The following SPATA45 variants were observed in gnomAD, a reference collection of about 807,000 sequenced individuals.
The protein encoded by SPATA45 is spermatogenesis associated 45, also known as spermatogenesis-associated protein 45.
In SPATA45, 5 loss-of-function variants were observed where a neutral mutation model predicts 7.0. The observed-to-expected ratio is 0.71, with a 90% CI of 0.37 to 1.50. The LOEUF is 1.50. Ranked by LOEUF, SPATA45 falls within the 40% of genes most tolerant of loss-of-function variation. The pLI is 0.03. For synonymous variants in SPATA45, 40 were observed against 38.7 expected (o/e 1.03, Z -0.13); for missense variants, 111 against 114.9 (o/e 0.97, Z 0.16).
chr1:212,839,045 C>T (rs1027738524), intron 1 of SPATA45, among the ~76,000 whole-genome samples: 4 of 150,554 alleles, frequency 2.7e-5, no homozygotes, highest in Admixed American at 6.7e-5. Context: ...GTTCTAACAA[C>T]CCAAATGTCC....
chr1:212,846,276 A>G (rs1663792174), intron 1 of SPATA45, among the ~76,000 whole-genome samples: 1 of 152,098 alleles, frequency 6.6e-6, no homozygotes, highest in South Asian at 2.1e-4. Flanking sequence ...GCAACCCTGA[A>G]AAACATTGCC....
Position 212,831,590 on chromosome 1 carries a change from G to A in SPATA45, c.278-1329C>T, listed in dbSNP as rs180732631. On this transcript the variant is annotated intron_variant, in intron 2 of 2. Coordinates refer to ENST00000332912, the MANE Select transcript of SPATA45 (RefSeq NM_001024601.3). ...TATTTAAATAAACTGCCCCCCTTTT[G>A]GGCTCCACATCTCCAAGTGGAAGAT... 3.3e-3 allele frequency among the ~76,000 whole-genome samples: 501 copies of A among 151,292 alleles called. 14 individuals are homozygous for A. Among genetic ancestry groups the A allele is most frequent in the Non-Finnish European group, 4.4e-3 (301 of 67,672 alleles).
At chr1:212,841,408 C>T (rs1558098005) in intron 1 of SPATA45, among the ~76,000 whole-genome samples, 2 of 151,746 alleles carry the variant, frequency 1.3e-5, no homozygotes, top group South Asian at 4.2e-4. Context: ...AAGCGATCTA[C>T]CCACCTCAGC....
At chr1:212,842,258 A>G (rs980207980) in intron 1 of SPATA45, among the ~76,000 whole-genome samples, 3 of 151,562 alleles carry the variant, frequency 2.0e-5, no homozygotes, top group African/African-American at 7.3e-5. Flanking sequence ...GGCACCTGTA[A>G]TCCCAGCTAC....
intron 1 of SPATA45, among the ~76,000 whole-genome samples, chr1:212,841,448 C>A (rs1663682024): frequency 6.6e-6 from 1 of 151,884 alleles, no homozygotes; most frequent in Non-Finnish European, 1.5e-5. Flanking sequence ...CAGGTATAAG[C>A]CACTGTGCCT....
rs1663577968 is a variant in SPATA45 at position 212,835,996 on chromosome 1, G to A, written c.154C>T (p.Pro52Ser). ...SLLRVQKRHF[P>S]DAYQSFTDTT... is the part of the protein sequence containing the mutation. Reference sequence around the variant, plus strand: ...TCAGTAAAGGACTGATAGGCATCCGGGAAGTGCCTCTTTTGAACTCTCAGT... The same window carrying A: ...TCAGTAAAGGACTGATAGGCATCCGAGAAGTGCCTCTTTTGAACTCTCAGT... Residue 52 changes from proline to serine, a missense_variant, in exon 2 of 3, where the codon CCG becomes TCG. By Grantham distance (74) the Pro-to-Ser change is moderately conservative. Coordinates refer to ENST00000332912, the MANE Select transcript of SPATA45 (RefSeq NM_001024601.3). The A allele has an allele frequency of 1.2e-6, 2 of 1,611,132 alleles. No homozygotes were observed. Among genetic ancestry groups the A allele is most frequent in the Non-Finnish European group, 8.5e-7 (1 of 1,177,864 alleles).
At chr1:212,830,401 G>A (rs760778402) in intron 2 of SPATA45, 140 bp from the exon 3 acceptor site, 3 of 517,572 alleles carry the variant, frequency 5.8e-6, no homozygotes, top group African/African-American at 2.0e-5. Context: ...GCCGGGTGCG[G>A]TGGCTCACAC....
chr1:212,846,826 C>T (rs1282763451), intron 1 of SPATA45, among the ~76,000 whole-genome samples: 1 of 152,168 alleles, frequency 6.6e-6, no homozygotes. Context: ...TTGAAGGGCT[C>T]CCCAAAATAG....
At chr1:212,836,250 C>T in intron 1 of SPATA45, 63 bp from the exon 2 acceptor site, 2 of 1,287,812 alleles carry the variant, frequency 1.6e-6, no homozygotes, top group East Asian at 2.3e-5. Context: ...TATTCACAAT[C>T]ACGTTTGCCA....
Position 212,835,890 on chromosome 1 carries a change from T to C in SPATA45, c.260A>G (p.Lys87Arg). ...CTTCTTACTTTTTGGTGGAAAGTGC[T>C]TTCTCTCCATGTGAGCAAGGAGACT... ...KLSLLAHMER[K>R]HFPPKNNAIF... is the part of the protein sequence containing the mutation. Residue 87 changes from lysine (K) to arginine (R), a missense_variant, in exon 2 of 3, where the codon AAG becomes AGG. Transcript: ENST00000332912. The C allele has an allele frequency of 6.3e-7, 1 of 1,592,990 alleles. No homozygotes were observed. The highest frequency in any genetic ancestry group is 8.5e-7 in the Non-Finnish European group (1 of 1,172,790).
chr1:212,838,667 T>C (rs933106319), intron 1 of SPATA45, among the ~76,000 whole-genome samples: 3 of 151,474 alleles, frequency 2.0e-5, no homozygotes, highest in Admixed American at 6.6e-5. Flanking sequence ...TAAAAAACTT[T>C]TGTTGTTGTT....
chr1:212,840,005 T>C (rs1432701038), intron 1 of SPATA45, among the ~76,000 whole-genome samples: 1 of 151,844 alleles, frequency 6.6e-6, no homozygotes, highest in Non-Finnish European at 1.5e-5. Flanking sequence ...CACTTTAATA[T>C]AGTTATTGTG....
At chr1:212,834,034 C>T (rs1483913373) in intron 2 of SPATA45, among the ~76,000 whole-genome samples, 1 of 151,728 alleles carries the variant, frequency 6.6e-6, no homozygotes, top group Admixed American at 6.6e-5. Flanking sequence ...TAGGCATGAG[C>T]CACCTTGCCC....
chr1:212,831,753 A>C (rs1442748414), intron 2 of SPATA45, among the ~76,000 whole-genome samples: 1 of 151,142 alleles, frequency 6.6e-6, no homozygotes, highest in East Asian at 1.9e-4. Context: ...CCCTCAACAC[A>C]CAGGCCTCCC....
intron 1 of SPATA45, among the ~76,000 whole-genome samples, chr1:212,839,129 T>TATTA (rs1553260220): frequency 6.9e-6 from 1 of 144,542 alleles, no homozygotes; most frequent in Non-Finnish European, 1.5e-5. Context: ...TTTATATATA[T>TATTA]TATATATATA....
intron 2 of SPATA45, among the ~76,000 whole-genome samples, chr1:212,831,937 T>G (rs1438830306): frequency 6.7e-6 from 1 of 149,992 alleles, no homozygotes. Flanking sequence ...ATCCAACACT[T>G]CCTATCCCCC....
intron 1 of SPATA45, among the ~76,000 whole-genome samples, chr1:212,845,168 GA>G (rs1455192618): frequency 2.0e-5 from 3 of 152,150 alleles, no homozygotes; most frequent in Admixed American, 6.6e-5. Context: ...CCGTCTCTTA[GA>G]ACCTCTCATT....
At chr1:212,847,003 C>T (rs182858820) in intron 1 of SPATA45, among the ~76,000 whole-genome samples, 5 of 151,912 alleles carry the variant, frequency 3.3e-5, no homozygotes, top group African/African-American at 1.2e-4. Flanking sequence ...GTGATCCCCC[C>T]ACCTCACCTT....
chr1:212,838,581 A>C (rs1663628782), intron 1 of SPATA45, among the ~76,000 whole-genome samples: 1 of 151,818 alleles, frequency 6.6e-6, no homozygotes, highest in South Asian at 2.1e-4. Flanking sequence ...AGAGCAATGA[A>C]ATTCTCCAAA....
Sources: gnomAD v4.1 joint callset for allele counts (sites outside exome capture counted in the v4.1 genomes callset) on GRCh38, gnomAD v4.1.1 for gene constraint, MANE v1.5 for transcripts, NCBI Gene and HGNC (gene_info 2026-07-23, HGNC 2026-07-21) for gene names.